Variants in SLC16A12 observed in about 807,000 individuals in gnomAD.
SLC16A12 encodes monocarboxylate transporter 12.
In SLC16A12, 17 loss-of-function variants were observed where a neutral mutation model predicts 42.4. That is an observed-to-expected ratio of 0.40 (90% CI 0.27 to 0.60). SLC16A12 has a LOEUF of 0.60. Ranked by LOEUF, SLC16A12 falls within the 20% of genes least tolerant of loss-of-function variation. The pLI, the probability that SLC16A12 is intolerant of heterozygous loss-of-function variation, is 0.42. For synonymous variants in SLC16A12, 224 were observed against 229.4 expected, an observed-to-expected ratio of 0.98 and a Z score of 0.21; for missense variants, 544 against 623.0, an observed-to-expected ratio of 0.87 and a Z score of 1.35.
chr10:89,441,900 A>G (rs1037533923), intron 4 of SLC16A12, among the ~76,000 whole-genome samples: 1 of 152,234 alleles, frequency 6.6e-6, no homozygotes, highest in African/African-American at 2.4e-5. Context: ...AAGTAAAACC[A>G]GAGACCAAAA....
At position 89,541,206 on chromosome 10, in the gene SLC16A12, G is replaced by A. The variant is rs955656321; in HGVS notation, c.-47+14676C>T. On this transcript the variant is annotated intron_variant, in intron 2 of 2. Transcript: ENST00000475682. Reference sequence around the variant, plus strand: ...CTCCCAAAGTGCTGGGATTACAGGCGTGAGCCACCACGCCTGGCTGCAAAT... The same window carrying A: ...CTCCCAAAGTGCTGGGATTACAGGCATGAGCCACCACGCCTGGCTGCAAAT... Among the ~76,000 whole-genome samples, 19 of 152,084 alleles carry A rather than the reference G, an allele frequency of 1.2e-4. No homozygotes were observed. In the South Asian group the frequency reaches 3.1e-3, roughly 25 times the overall value.
At chr10:89,517,915 A>G (rs1454025942) in intron 2 of SLC16A12, among the ~76,000 whole-genome samples, 1 of 152,222 alleles carries the variant, frequency 6.6e-6, no homozygotes, top group Non-Finnish European at 1.5e-5. Context: ...TTAAATATAT[A>G]CACCTAAGAT....
intron 6 of SLC16A12, among the ~76,000 whole-genome samples, chr10:89,436,868 A>AAGAAAG (rs1554884215): frequency 8.3e-6 from 1 of 120,428 alleles, no homozygotes; most frequent in African/African-American, 3.3e-5. Flanking sequence ...GAAATAAAGA[A>AAGAAAG]AAAGAAAGAA....
Position 89,474,958 on chromosome 10 carries a change from C to T in SLC16A12, c.-46-12334G>A, listed in dbSNP as rs17387573. 6.7e-3 allele frequency among the ~76,000 whole-genome samples: 1,013 copies of T among 152,316 alleles called. 6 individuals are homozygous for T. Among genetic ancestry groups the T allele is most frequent in the Non-Finnish European group, 0.01 (714 of 68,024 alleles). On this transcript the variant is annotated intron_variant, in intron 2 of 7. Transcript: ENST00000371790. ...TTGCCTCTCCCTGGCCTTTAAGCTG[C>T]GTCTTGGTAGAAGCCATAACTGTCA...
intron 2 of SLC16A12, among the ~76,000 whole-genome samples, chr10:89,494,733 C>T (rs557689100): frequency 3.3e-5 from 5 of 152,200 alleles, no homozygotes; most frequent in Admixed American, 3.3e-4. Flanking sequence ...AAGAAGGAAG[C>T]CAAACTGCAG....
chr10:89,503,543 C>A (rs936339723), intron 2 of SLC16A12, among the ~76,000 whole-genome samples: 1 of 152,066 alleles, frequency 6.6e-6, no homozygotes, highest in Non-Finnish European at 1.5e-5. Context: ...AGAAAGAAGG[C>A]GAAGTCCAGT....
intron 3 of SLC16A12, among the ~76,000 whole-genome samples, chr10:89,450,785 T>C (rs1467708156): frequency 1.3e-5 from 2 of 152,190 alleles, no homozygotes; most frequent in African/African-American, 4.8e-5. Flanking sequence ...TGAAAGCTTA[T>C]ACACTAAAAT....
rs754524307 is a variant in SLC16A12, at chr10:89,525,550, C to A, written c.-47+8951G>T. ...TTAATTTTGATAAAATGACGAGTCC[C>A]TTAATCACTGGAACACTTCAATTAT... On this transcript the variant is annotated intron_variant, in intron 2 of 7. Coordinates refer to ENST00000371790, the MANE Select transcript of SLC16A12 (RefSeq NM_213606.4). 3.3e-5 allele frequency among the ~76,000 whole-genome samples: 5 copies of A among 152,270 alleles called. No individual in the cohort carries two copies. The South Asian group carries it at 1.0e-3, about 32-fold the overall frequency.
intron 2 of SLC16A12, 160 bp from the exon 3 acceptor site, chr10:89,462,784 G>A: frequency 4.0e-6 from 3 of 759,168 alleles, no homozygotes; most frequent in Non-Finnish European, 5.9e-6. Context: ...CTTGGTACAT[G>A]CTTTCTTTTT....
At chr10:89,443,289 T>A (rs1841944436) in intron 4 of SLC16A12, among the ~76,000 whole-genome samples, 1 of 152,184 alleles carries the variant, frequency 6.6e-6, no homozygotes. Flanking sequence ...AGGAACAGAA[T>A]GCAATCCAAG....
At chr10:89,464,587 T>C (rs1842361338) in intron 2 of SLC16A12, among the ~76,000 whole-genome samples, 1 of 152,362 alleles carries the variant, frequency 6.6e-6, no homozygotes, top group East Asian at 1.9e-4. Context: ...GATTATTTGA[T>C]GAACAAAGAC....
At chr10:89,493,219 CTTTT>C (rs35163833) in intron 2 of SLC16A12, among the ~76,000 whole-genome samples, 1 of 140,578 alleles carries the variant, frequency 7.1e-6, no homozygotes, top group Non-Finnish European at 1.6e-5. Flanking sequence ...TTTTTTCTTT[CTTTT>C]TTTTTTTTTT....
chr10:89,434,228 A>G (rs985770138), intron 7 of SLC16A12, among the ~76,000 whole-genome samples: 3 of 152,242 alleles, frequency 2.0e-5, no homozygotes, highest in African/African-American at 7.2e-5. Flanking sequence ...TATAGCACCA[A>G]ACAAAAAAGA....
chr10:89,478,123 G>C (rs1413057604), intron 2 of SLC16A12, among the ~76,000 whole-genome samples: 1 of 152,182 alleles, frequency 6.6e-6, no homozygotes, highest in Non-Finnish European at 1.5e-5. Context: ...CTTGGGTCTA[G>C]TAACAGTGGG....
At chr10:89,433,443 C>CA in intron 7 of SLC16A12, 117 bp from the exon 8 acceptor site, 2 of 1,087,200 alleles carry the variant, frequency 1.8e-6, no homozygotes, top group Non-Finnish European at 2.7e-6. Context: ...CCAATTGTAA[C>CA]TTTGAAACAA....
chr10:89,442,646 T>C (rs994838707), intron 4 of SLC16A12, among the ~76,000 whole-genome samples: 2 of 152,190 alleles, frequency 1.3e-5, no homozygotes, highest in Non-Finnish European at 2.9e-5. Context: ...TTTGATCCCT[T>C]AAGACCTTCT....
At chr10:89,544,019 T>C (rs1843729948) in intron 2 of SLC16A12, among the ~76,000 whole-genome samples, 1 of 152,216 alleles carries the variant, frequency 6.6e-6, no homozygotes, top group African/African-American at 2.4e-5. Flanking sequence ...ACTTGAGCTT[T>C]GTAGAATGAG....
At chr10:89,495,783 G>C (rs1344897096) in intron 2 of SLC16A12, among the ~76,000 whole-genome samples, 1 of 152,214 alleles carries the variant, frequency 6.6e-6, no homozygotes, top group Non-Finnish European at 1.5e-5. Context: ...GGGGCTGACA[G>C]AGCTGTGGCT....
chr10:89,504,331 A>T (rs997784809), intron 2 of SLC16A12, among the ~76,000 whole-genome samples: 3 of 152,176 alleles, frequency 2.0e-5, no homozygotes, highest in Non-Finnish European at 2.9e-5. Context: ...GCTCTTAACT[A>T]ATGCCTTTCC....
Sources: gnomAD v4.1 joint callset for allele counts (sites outside exome capture counted in the v4.1 genomes callset) on GRCh38, gnomAD v4.1.1 for gene constraint, MANE v1.5 for transcripts, NCBI Gene and HGNC (gene_info 2026-07-23, HGNC 2026-07-21) for gene names.